SORCS1: variants seen among roughly 807,000 people sequenced by gnomAD.
The protein encoded by SORCS1 is sortilin related VPS10 domain containing receptor 1.
SORCS1 carries 60 observed loss-of-function variants against 146.1 expected under a neutral mutation model. The observed-to-expected ratio is 0.41, with a 90% CI of 0.33 to 0.51. The LOEUF (loss-of-function observed/expected upper bound fraction) is 0.51, where lower values mean the gene tolerates loss of function less well. Among genes scored for constraint, SORCS1 ranks in the 20% least tolerant of loss-of-function variants. The probability of loss-of-function intolerance (pLI) is 0.21; values close to 1 mark genes in which losing one functional copy is unlikely to be tolerated. For missense variants in SORCS1, 1,352 were observed against 1,487.6 expected, an observed-to-expected ratio of 0.91 and a Z score of 1.50; for synonymous variants, 637 against 584.0, an observed-to-expected ratio of 1.09 and a Z score of -1.31.
At chr10:107,136,643 C>G (rs1967326562) in intron 1 of SORCS1, among the ~76,000 whole-genome samples, 1 of 152,158 alleles carries the variant, frequency 6.6e-6, no homozygotes, top group South Asian at 2.1e-4. Context: ...TTAACTGCCT[C>G]ACATATATCA....
intron 3 of SORCS1, among the ~76,000 whole-genome samples, chr10:106,814,359 C>T (rs1387917227): frequency 1.3e-5 from 2 of 152,160 alleles, no homozygotes; most frequent in Non-Finnish European, 2.9e-5. Context: ...CTGAAGAACA[C>T]TAGTAAAAAC....
chr10:107,007,121 T>C (rs565694843), intron 1 of SORCS1, among the ~76,000 whole-genome samples: 1 of 152,336 alleles, frequency 6.6e-6, no homozygotes, highest in African/African-American at 2.4e-5. Context: ...GCAATCCCTG[T>C]GTAATCATTT....
In SORCS1 at chr10:106,889,888, T is replaced by TAAAAAAAAAAAAAAAAAAA. The variant is rs772421907; in HGVS notation, c.627-60234_627-60216dup. Among the ~76,000 whole-genome samples the TAAAAAAAAAAAAAAAAAAA allele has an allele frequency of 4.2e-5, 3 of 71,680 alleles. 1 individual carries two copies. The highest frequency in any genetic ancestry group is 1.5e-4 in the African/African-American group (3 of 19,412). 47.0% of individuals were successfully genotyped at this position (71,680 alleles called of 152,430 possible). On this transcript the variant is annotated intron_variant, in intron 2 of 25. Coordinates refer to ENST00000263054, the MANE Select transcript of SORCS1 (RefSeq NM_052918.5). Reference sequence around the variant, plus strand: ...TGACAGAGTGAGACTACGTCTCAAATAAAAAAAAAAAAAAAAAAAAAAAGC... The same window carrying TAAAAAAAAAAAAAAAAAAA: ...TGACAGAGTGAGACTACGTCTCAAATAAAAAAAAAAAAAAAAAAAAAAAAAAAAAAAAAAAAAAAAAAGC...
At chr10:107,092,865 G>T (rs187644741) in intron 1 of SORCS1, among the ~76,000 whole-genome samples, 5 of 142,976 alleles carry the variant, frequency 3.5e-5, no homozygotes, top group Admixed American at 2.8e-4. Context: ...CCAGGTTCAC[G>T]GGCTAAAAGA....
chr10:106,761,697 T>C (rs964785092), intron 4 of SORCS1, 36 bp from the exon 5 acceptor site: 2 of 1,539,676 alleles, frequency 1.3e-6, no homozygotes, highest in East Asian at 2.2e-5. Context: ...ACTATGGTTC[T>C]ATAGTACATC....
chr10:106,824,953 T>G (rs1174556714), intron 3 of SORCS1, among the ~76,000 whole-genome samples: 1 of 152,152 alleles, frequency 6.6e-6, no homozygotes, highest in African/African-American at 2.4e-5. Flanking sequence ...GAACAAATAC[T>G]GTCTAGTTTT....
intron 1 of SORCS1, among the ~76,000 whole-genome samples, chr10:107,043,830 A>G (rs1384114333): frequency 6.6e-6 from 1 of 152,232 alleles, no homozygotes; most frequent in East Asian, 1.9e-4. Context: ...AAAAAGCTCC[A>G]TAAAGGAAGA....
At chr10:106,871,771 C>G (rs1335224700) in intron 2 of SORCS1, among the ~76,000 whole-genome samples, 1 of 152,012 alleles carries the variant, frequency 6.6e-6, no homozygotes, top group Non-Finnish European at 1.5e-5. Context: ...GGGAGAGGAA[C>G]AGAAGAAACA....
At chr10:106,584,252 G>A (rs1386034273) in intron 24 of SORCS1, among the ~76,000 whole-genome samples, 1 of 152,166 alleles carries the variant, frequency 6.6e-6, no homozygotes, top group Non-Finnish European at 1.5e-5. Flanking sequence ...GTTGTCCAAT[G>A]GGCCTTCCCT....
intron 17 of SORCS1, among the ~76,000 whole-genome samples, chr10:106,658,824 T>G (rs1054037128): frequency 6.6e-6 from 1 of 152,204 alleles, no homozygotes; most frequent in African/African-American, 2.4e-5. Flanking sequence ...GAGAGATTCT[T>G]CTACCCCTGC....
In SORCS1 at chr10:106,847,697, T is replaced by G. The variant is rs570127267; in HGVS notation, c.627-18024A>C. On this transcript the variant is annotated intron_variant, in intron 2 of 25. Transcript: ENST00000263054. ...ATGTTAGGGTGTCAATTTTGGATCT[T>G]TCCTGCTTTCTCTTGTGGGCATTTA... Among the ~76,000 whole-genome samples the G allele has an allele frequency of 4.2e-3, 399 of 94,948 alleles. 16 individuals carry two copies. Among genetic ancestry groups the G allele is most frequent in the African/African-American group, 0.014 (392 of 27,996 alleles). 62.3% of individuals were successfully genotyped at this position (94,948 alleles called of 152,430 possible).
At chr10:107,102,020 T>TA (rs1964956577) in intron 1 of SORCS1, among the ~76,000 whole-genome samples, 1 of 152,104 alleles carries the variant, frequency 6.6e-6, no homozygotes, top group Non-Finnish European at 1.5e-5. Context: ...GTGTGTGTTT[T>TA]CAGTATGGCC....
chr10:107,093,678 CAA>C (rs35208711), intron 1 of SORCS1, among the ~76,000 whole-genome samples: 1 of 132,398 alleles, frequency 7.6e-6, no homozygotes. Flanking sequence ...GACTCAGTCT[CAA>C]AAAAAAAAAA....
chr10:107,048,406 C>A (rs1308040425), intron 1 of SORCS1, among the ~76,000 whole-genome samples: 1 of 152,150 alleles, frequency 6.6e-6, no homozygotes, highest in Non-Finnish European at 1.5e-5. Flanking sequence ...GTCCTTAACA[C>A]TACTTTAAAT....
At chr10:107,130,959 A>T (rs993737514) in intron 1 of SORCS1, among the ~76,000 whole-genome samples, 1 of 151,950 alleles carries the variant, frequency 6.6e-6, no homozygotes, top group African/African-American at 2.4e-5. Context: ...CTCCCTCCCA[A>T]TCCCCCAGTA....
At chr10:106,861,525 A>G (rs1950015615) in intron 2 of SORCS1, among the ~76,000 whole-genome samples, 1 of 152,178 alleles carries the variant, frequency 6.6e-6, no homozygotes, top group Non-Finnish European at 1.5e-5. Context: ...AATGTATTCT[A>G]GAAGGACAAG....
chr10:106,769,789 C>A (rs1405085691), intron 4 of SORCS1, among the ~76,000 whole-genome samples: 1 of 152,124 alleles, frequency 6.6e-6, no homozygotes, highest in African/African-American at 2.4e-5. Context: ...GAAGAGAATG[C>A]CAGCTGTTAA....
At chr10:107,115,521 T>C (rs1022671059) in intron 1 of SORCS1, among the ~76,000 whole-genome samples, 2 of 152,044 alleles carry the variant, frequency 1.3e-5, no homozygotes, top group African/African-American at 2.4e-5. Flanking sequence ...ATCACTTCAA[T>C]AAATGATGCT....
intron 9 of SORCS1, among the ~76,000 whole-genome samples, chr10:106,689,986 A>C (rs1853172763): frequency 6.6e-6 from 1 of 152,200 alleles, no homozygotes; most frequent in Non-Finnish European, 1.5e-5. Flanking sequence ...TGCAGAGAGG[A>C]ATACTTTGAA....
Sources: allele counts gnomAD v4.1 joint callset (sites outside exome capture counted in the v4.1 genomes callset), GRCh38; gene constraint gnomAD v4.1.1; transcripts MANE v1.5; gene names NCBI Gene and HGNC (gene_info 2026-07-23, HGNC 2026-07-21).